The following CCNY variants were observed in gnomAD, a reference collection of about 807,000 sequenced individuals.
CCNY encodes the protein cyclin Y, also known as cyclin-Y.
In CCNY, 19 loss-of-function variants were observed where a neutral mutation model predicts 42.8. That is an observed-to-expected ratio of 0.44 (90% CI 0.31 to 0.65). The LOEUF is 0.65. Among genes scored for constraint, CCNY ranks in the 30% least tolerant of loss-of-function variants. The pLI is 0.07. For synonymous variants in CCNY, 165 were observed against 162.7 expected (o/e 1.01, Z -0.11); for missense variants, 370 against 437.3 (o/e 0.85, Z 1.37).
chr10:35,313,202 G>A (rs1835710482), intron 3 of CCNY, among the ~76,000 whole-genome samples: 2 of 152,112 alleles, frequency 1.3e-5, no homozygotes, highest in African/African-American at 2.4e-5. Context: ...ACTGGAAACC[G>A]CCAAAGGCCA....
chr10:35,519,509 T>G (rs1840500310), intron 4 of CCNY, among the ~76,000 whole-genome samples: 1 of 152,186 alleles, frequency 6.6e-6, no homozygotes, highest in South Asian at 2.1e-4. Flanking sequence ...CAGGAGAGTC[T>G]CACAGGCAGC....
chr10:35,410,004 A>G (rs1589101463), intron 1 of CCNY, among the ~76,000 whole-genome samples: 1 of 152,168 alleles, frequency 6.6e-6, no homozygotes, highest in Non-Finnish European at 1.5e-5. Flanking sequence ...CAGCCTCCCA[A>G]AGTGCTGGGA....
chr10:35,462,553 C>T (rs1049153717), intron 1 of CCNY, among the ~76,000 whole-genome samples: 15 of 152,214 alleles, frequency 9.9e-5, no homozygotes, highest in African/African-American at 3.6e-4. Context: ...TAACAGGAAG[C>T]GATTGAACTT....
intron 3 of CCNY, among the ~76,000 whole-genome samples, chr10:35,514,215 GA>G (rs1417728886): frequency 6.6e-6 from 1 of 152,108 alleles, no homozygotes; most frequent in East Asian, 1.9e-4. Flanking sequence ...TTGTAGTCCT[GA>G]CAGTCAATAA....
At chr10:35,416,236 A>G (rs1341304781) in intron 1 of CCNY, among the ~76,000 whole-genome samples, 2 of 150,368 alleles carry the variant, frequency 1.3e-5, no homozygotes, top group Non-Finnish European at 2.9e-5. Flanking sequence ...CCTACCGTGT[A>G]CTTTGATGAT....
intron 1 of CCNY, among the ~76,000 whole-genome samples, chr10:35,413,533 T>C (rs1203585425): frequency 6.6e-6 from 1 of 152,046 alleles, no homozygotes; most frequent in Non-Finnish European, 1.5e-5. Flanking sequence ...TTAGAATGGG[T>C]GAAATTGCAG....
intron 4 of CCNY, among the ~76,000 whole-genome samples, chr10:35,521,973 G>A (rs1455899115): frequency 6.6e-6 from 1 of 152,046 alleles, no homozygotes; most frequent in Non-Finnish European, 1.5e-5. Context: ...CAACAAAACG[G>A]GTGTCAAGGA....
chr10:35,551,858 A>C (rs895719207), intron 7 of CCNY, among the ~76,000 whole-genome samples: 3 of 152,376 alleles, frequency 2.0e-5, no homozygotes, highest in Middle Eastern at 3.4e-3. Context: ...GACTATTACC[A>C]AAACAAAACA....
intron 1 of CCNY, among the ~76,000 whole-genome samples, chr10:35,341,153 C>G (rs1836172001): frequency 6.6e-6 from 1 of 152,228 alleles, no homozygotes; most frequent in African/African-American, 2.4e-5. Context: ...CCCTTGGGAT[C>G]TGCCTGCCAT....
chr10:35,476,983 C>T (rs1006700039), intron 1 of CCNY, among the ~76,000 whole-genome samples: 3 of 152,102 alleles, frequency 2.0e-5, no homozygotes, highest in Non-Finnish European at 4.4e-5. Context: ...GAAATACAAA[C>T]TACCATCAGA....
chr10:35,468,374 G>A (rs1839314658), intron 1 of CCNY, among the ~76,000 whole-genome samples: 1 of 152,180 alleles, frequency 6.6e-6, no homozygotes, highest in Admixed American at 6.5e-5. Context: ...TATTCAGTCT[G>A]TAGTGATTGT....
intron 1 of CCNY, among the ~76,000 whole-genome samples, chr10:35,351,943 G>A (rs1377633892): frequency 1.3e-5 from 2 of 152,154 alleles, no homozygotes; most frequent in African/African-American, 4.8e-5. Flanking sequence ...TCTTGTGGTG[G>A]GAGCAGTCAC....
chr10:35,354,004 C>T (rs1203940048), intron 1 of CCNY, among the ~76,000 whole-genome samples: 1 of 152,080 alleles, frequency 6.6e-6, no homozygotes, highest in Non-Finnish European at 1.5e-5. Flanking sequence ...AGGGGAACTG[C>T]CTCCAGGCTC....
intron 1 of CCNY, among the ~76,000 whole-genome samples, chr10:35,368,832 C>T (rs996271939): frequency 6.8e-6 from 1 of 146,514 alleles, no homozygotes; most frequent in Non-Finnish European, 1.5e-5. Flanking sequence ...AGTTCCTTTT[C>T]CTTGGCTTTT....
chr10:35,417,526 G>A (rs1000514003), intron 1 of CCNY, among the ~76,000 whole-genome samples: 10 of 152,298 alleles, frequency 6.6e-5, no homozygotes, highest in African/African-American at 2.2e-4. Flanking sequence ...TAAAATGTTT[G>A]AGCATGTTTT....
intron 3 of CCNY, chr10:35,250,958 T>G (rs2095711561): frequency 6.6e-6 from 1 of 152,246 alleles, no homozygotes; most frequent in Admixed American, 6.5e-5. Context: ...CAAGATTTTA[T>G]TAAAATATGG....
At chr10:35,512,130 G>T (rs1840337006) in intron 3 of CCNY, among the ~76,000 whole-genome samples, 1 of 152,194 alleles carries the variant, frequency 6.6e-6, no homozygotes, top group Non-Finnish European at 1.5e-5. Flanking sequence ...CTTGATACAA[G>T]GAAACCAACA....
chr10:35,554,948 A>C (rs1841333489), intron 8 of CCNY, among the ~76,000 whole-genome samples: 1 of 152,226 alleles, frequency 6.6e-6, no homozygotes, highest in Non-Finnish European at 1.5e-5. Flanking sequence ...ACCAGGTTTA[A>C]TTCACCAAAA....
upstream of CCNY, chr10:35,332,548 G>A (rs182843790): frequency 9.9e-5 from 15 of 152,260 alleles, no homozygotes; most frequent in East Asian, 2.9e-3. Context: ...TGTTTTTTCT[G>A]TGAGAAACAA....
Sources: gnomAD v4.1 joint callset for allele counts (sites outside exome capture counted in the v4.1 genomes callset) on GRCh38, gnomAD v4.1.1 for gene constraint, MANE v1.5 for transcripts, NCBI Gene and HGNC (gene_info 2026-07-23, HGNC 2026-07-21) for gene names.